TTR: variants seen among roughly 807,000 people sequenced by gnomAD.
TTR encodes the protein epididymis luminal protein 111.
A neutral mutation model predicts 13.7 loss-of-function variants in TTR; 8 were observed. That is an observed-to-expected ratio of 0.58 (90% CI 0.34 to 1.05). The LOEUF (loss-of-function observed/expected upper bound fraction) is 1.05. TTR is among the 50% of genes least tolerant of loss of function. The probability of loss-of-function intolerance (pLI) is 0.02; values close to 1 mark genes in which losing one functional copy is unlikely to be tolerated. For synonymous variants in TTR, 75 were observed against 71.7 expected, an observed-to-expected ratio of 1.05 and a Z score of -0.23; for missense variants, 135 against 185.5, an observed-to-expected ratio of 0.73 and a Z score of 1.58.
At chr18:31,593,282 G>C (rs1449047591) in intron 2 of TTR, 2 of 430,106 alleles carry the variant, frequency 4.7e-6, no homozygotes, top group Non-Finnish European at 8.6e-6. Flanking sequence ...TCTAGCTGTG[G>C]TTTGCAACCC....
At position 31,596,147 on chromosome 18, in the gene TTR, G is replaced by C. The variant is rs1158132404; in HGVS notation, c.336+892G>C. ...TTCTCCTTAATTTCTTAAGTCATTT[G>C]AAACAGATGGCTGTCATGGAAATAG... On this transcript the variant is annotated intron_variant, in intron 3 of 3. Transcript: ENST00000237014. The C allele has an allele frequency of 5.2e-5, 8 of 154,458 alleles. No individual in the cohort carries two copies. The Admixed American group carries it at 5.2e-4, about 10-fold the overall frequency. The allele number at this position is 154,458 out of a possible 1,614,324, so 9.6% of individuals were successfully genotyped here. A position where few individuals can be genotyped will look rare whatever the true frequency, so the allele number is the denominator to read the frequency against.
At chr18:31,591,999 T>A (rs372744469) in intron 1 of TTR, 28 bp downstream of exon 1, 11 of 1,612,376 alleles carry the variant, frequency 6.8e-6, no homozygotes, top group Non-Finnish European at 9.3e-6. Flanking sequence ...ATCCCATTCC[T>A]ACATTTAAGA....
chr18:31,595,497 T>C (rs774732729), intron 3 of TTR: 2 of 634,162 alleles, frequency 3.2e-6, no homozygotes, highest in Non-Finnish European at 5.8e-6. Context: ...CTACTCATAG[T>C]CTATTCATTC....
intron 1 of TTR, 136 bp downstream of exon 1, chr18:31,592,107 A>G: frequency 2.3e-6 from 2 of 869,692 alleles, no homozygotes; most frequent in Non-Finnish European, 3.7e-6. Flanking sequence ...AATATAATTA[A>G]TTCAAACTTC....
chr18:31,596,464 C>G (rs1377435642), intron 3 of TTR, among the ~76,000 whole-genome samples: 1 of 152,114 alleles, frequency 6.6e-6, no homozygotes, highest in Non-Finnish European at 1.5e-5. Flanking sequence ...CGGCGCCCAG[C>G]ACAAGACATT....
At chr18:31,596,228 G>C (rs926487717) in intron 3 of TTR, 2 of 154,332 alleles carry the variant, frequency 1.3e-5, no homozygotes, top group East Asian at 3.9e-4. Flanking sequence ...AAAATAGCTC[G>C]GCATGAAAGG....
intron 2 of TTR, 27 bp downstream of exon 2, chr18:31,593,053 G>A (rs1428870808): frequency 1.2e-6 from 2 of 1,613,016 alleles, no homozygotes; most frequent in Non-Finnish European, 1.7e-6. Context: ...CCCTCCCACA[G>A]GACTTGGTTT....
Position 31,592,887 on chromosome 18 carries a change from T to C in TTR, c.70-9T>C, listed in dbSNP as rs764059061. 4.3e-5 allele frequency: 70 copies of C among 1,613,662 alleles called. No individual in the cohort carries two copies. Among genetic ancestry groups the C allele is most frequent in the Non-Finnish European group, 5.2e-5 (61 of 1,179,768 alleles). On this transcript the variant is annotated splice_polypyrimidine_tract_variant and intron_variant, in intron 1 of 3. Coordinates refer to ENST00000237014, the MANE Select transcript of TTR (RefSeq NM_000371.4). ...TTGTTAACTTCTCACGTGTCTTCTC[T>C]ACACCCAGGGCACCGGTGAATCCAA...
chr18:31,595,459 T>C (rs1048585961), intron 3 of TTR: 2 of 715,774 alleles, frequency 2.8e-6, no homozygotes, highest in Non-Finnish European at 5.0e-6. Flanking sequence ...AAAATCCACT[T>C]AGTAACATGA....
At chr18:31,595,515 T>C in intron 3 of TTR, 1 of 592,028 alleles carries the variant, frequency 1.7e-6, no homozygotes, top group Non-Finnish European at 3.1e-6. Flanking sequence ...TTCCACTTTA[T>C]ATGAATATTG....
intron 3 of TTR, 60 bp from the exon 4 acceptor site, chr18:31,598,508 T>G: frequency 6.5e-7 from 1 of 1,532,162 alleles, no homozygotes. Flanking sequence ...CAGTCATGTG[T>G]GTCATCTGTC....
chr18:31,591,896 T>C lies in TTR; in HGVS notation c.-7T>C, dbSNP rs776245405. On this transcript the variant is annotated 5_prime_UTR_variant, in exon 1 of 4. Transcript: ENST00000237014. Reference sequence around the variant, plus strand: ...GCCATCACAGAAGTCCACTCATTCTTGGCAGGATGGCTTCTCATCGTCTGC... The same window carrying C: ...GCCATCACAGAAGTCCACTCATTCTCGGCAGGATGGCTTCTCATCGTCTGC... 6.2e-7 allele frequency: 1 copy of C among 1,614,186 alleles called. No individual in the cohort carries two copies. Among genetic ancestry groups the C allele is most frequent in the East Asian group, 2.2e-5 (1 of 44,886 alleles).
chr18:31,595,341 C>T (rs2073511980), intron 3 of TTR, 86 bp downstream of exon 3: 1 of 1,566,244 alleles, frequency 6.4e-7, no homozygotes, highest in Middle Eastern at 1.7e-4. Context: ...CTCAGTGTAC[C>T]ACAGAAATGT....
Position 31,592,809 on chromosome 18 carries a change from T to G in TTR, c.70-87T>G. 3 of 1,573,828 alleles carry G rather than the reference T, an allele frequency of 1.9e-6. No individual in the cohort carries two copies. The South Asian group carries it at 3.4e-5, about 18-fold the overall frequency. On this transcript the variant is annotated intron_variant, in intron 1 of 3. Transcript: ENST00000237014. ...ATGGGATCAGTGTGTAATTCTTGTT[T>G]CGCTCCAGATTTCTAATACCACAAA... is the stretch of plus-strand genomic sequence containing the variant.
At position 31,595,577 on chromosome 18, in the gene TTR, G is replaced by A. The variant is rs549374922; in HGVS notation, c.336+322G>A. On this transcript the variant is annotated intron_variant, in intron 3 of 3. Coordinates refer to ENST00000237014, the MANE Select transcript of TTR (RefSeq NM_000371.4). Reference sequence around the variant, plus strand: ...TATGAGGCAGCCCTCCAGACCCCACGTAGAGTGTATGTAACAAGAGATGCA... The same window carrying A: ...TATGAGGCAGCCCTCCAGACCCCACATAGAGTGTATGTAACAAGAGATGCA... 4 of 432,416 alleles carry A rather than the reference G, an allele frequency of 9.3e-6. 1 individual carries two copies. The highest frequency in any genetic ancestry group is 3.7e-5 in the South Asian group (2 of 53,602). 26.8% of individuals were successfully genotyped at this position (432,416 alleles called of 1,614,324 possible). A position where few individuals can be genotyped will look rare whatever the true frequency, so the allele number is the denominator to read the frequency against.
rs1256987800 is a variant in TTR at position 31,598,621 on chromosome 18, G to C, written c.390G>C (p.Leu130=). ...CCCGCCGCTACACCATTGCCGCCCT[G>C]CTGAGCCCCTACTCCTATTCCACCA... ...SGPRRYTIAA[L]LSPYSYSTTA... Residue 130 remains leucine (L), a synonymous_variant, in exon 4 of 4, where the codon CTG becomes CTC. Transcript: ENST00000237014. The C allele has an allele frequency of 5.0e-6, 8 of 1,614,142 alleles. No individual in the cohort carries two copies. Among genetic ancestry groups the C allele is most frequent in the Non-Finnish European group, 5.9e-6 (7 of 1,180,034 alleles).
At chr18:31,592,035 C>T (rs1346583044) in intron 1 of TTR, 64 bp downstream of exon 1, 2 of 1,568,780 alleles carry the variant, frequency 1.3e-6, no homozygotes, top group East Asian at 4.5e-5. Context: ...GTAGAAGTGA[C>T]TCCTTCCAGC....
intron 1 of TTR, 49 bp from the exon 2 acceptor site, chr18:31,592,847 T>G (rs1245127191): frequency 6.2e-7 from 1 of 1,610,534 alleles, no homozygotes; most frequent in East Asian, 2.2e-5. Context: ...ATAAATCCTT[T>G]CACTCTGATC....
chr18:31,597,267 C>T (rs1301343557), intron 3 of TTR: 3 of 152,210 alleles, frequency 2.0e-5, no homozygotes, highest in Non-Finnish European at 4.4e-5. Flanking sequence ...CTGGTCTGAA[C>T]TCCAGACCTC....
Sources: gnomAD v4.1 joint callset for allele counts (sites outside exome capture counted in the v4.1 genomes callset) on GRCh38, gnomAD v4.1.1 for gene constraint, MANE v1.5 for transcripts, NCBI Gene and HGNC (gene_info 2026-07-23, HGNC 2026-07-21) for gene names.